Variants in MCF2L2 observed in about 807,000 individuals in gnomAD.
The protein encoded by MCF2L2 is probable guanine nucleotide exchange factor MCF2L2.
MCF2L2 carries 102 observed loss-of-function variants against 150.2 expected under a neutral mutation model. That is an observed-to-expected ratio of 0.68 (90% CI 0.58 to 0.80). The LOEUF (loss-of-function observed/expected upper bound fraction) is 0.80, where lower values mean the gene tolerates loss of function less well. Ranked by LOEUF, MCF2L2 falls within the 30% of genes least tolerant of loss-of-function variation. The pLI is 0.00. For missense variants in MCF2L2, 1,256 were observed against 1,372.8 expected, an observed-to-expected ratio of 0.91 and a Z score of 1.34; for synonymous variants, 465 against 491.3, an observed-to-expected ratio of 0.95 and a Z score of 0.71.
intron 1 of MCF2L2, among the ~76,000 whole-genome samples, chr3:183,402,451 C>CAAAAAAAAAAAAAAAAAAAAAAA (rs779201489): frequency 6.4e-4 from 35 of 54,764 alleles, no homozygotes; most frequent in South Asian, 9.1e-4. Context: ...GAGACTCCAT[C>CAAAAAAAAAAAAAAAAAAAAAAA]AAAAAAAAAA....
intron 25 of MCF2L2, among the ~76,000 whole-genome samples, chr3:183,196,963 T>A (rs1722102809): frequency 6.6e-6 from 1 of 152,100 alleles, no homozygotes; most frequent in African/African-American, 2.4e-5. Context: ...CAAACTTGTC[T>A]TTTTTTGCAG....
intron 11 of MCF2L2, chr3:183,299,241 A>G (rs1379130002): frequency 6.6e-6 from 1 of 152,272 alleles, no homozygotes; most frequent in Non-Finnish European, 1.5e-5. Context: ...TGTGTGCACC[A>G]TGTGTGGTCT....
chr3:183,269,885 GT>G (rs1726576756), intron 15 of MCF2L2: 3 of 1,613,790 alleles, frequency 1.9e-6, no homozygotes, highest in African/African-American at 1.3e-5. Flanking sequence ...CGAGCCTCAT[GT>G]TTTTTTGGGA....
At chr3:183,230,018 A>C (rs1723490081) in intron 16 of MCF2L2, among the ~76,000 whole-genome samples, 2 of 152,194 alleles carry the variant, frequency 1.3e-5, no homozygotes. Context: ...GGGAAGAACA[A>C]ATATATTTAA....
chr3:183,217,837 TA>T (rs1432500049), intron 21 of MCF2L2, among the ~76,000 whole-genome samples: 2 of 152,168 alleles, frequency 1.3e-5, no homozygotes, highest in African/African-American at 4.8e-5. Flanking sequence ...AAGCAGTAAC[TA>T]ATTAAAGAGA....
chr3:183,273,121 C>A, intron 15 of MCF2L2: 1 of 903,228 alleles, frequency 1.1e-6, no homozygotes, highest in South Asian at 1.8e-5. Flanking sequence ...TTTTGGTGCT[C>A]CAGTGTAGGG....
At chr3:183,223,268 A>C (rs1326969969) in intron 20 of MCF2L2, 78 bp downstream of exon 20, 1 of 1,059,086 alleles carries the variant, frequency 9.4e-7, no homozygotes, top group African/African-American at 1.6e-5. Context: ...GCACAGCTCT[A>C]CATGTGTAAC....
At chr3:183,312,986 T>TCTC (rs1323526948) in intron 7 of MCF2L2, among the ~76,000 whole-genome samples, 1 of 152,246 alleles carries the variant, frequency 6.6e-6, no homozygotes, top group African/African-American at 2.4e-5. Context: ...ATCAGGCATA[T>TCTC]CTCTTCTTTT....
At chr3:183,266,727 G>A (rs1233427376) in intron 15 of MCF2L2, among the ~76,000 whole-genome samples, 1 of 151,814 alleles carries the variant, frequency 6.6e-6, no homozygotes, top group Admixed American at 6.6e-5. Context: ...GTCCAGAAAT[G>A]ACCAGCCTGT....
intron 13 of MCF2L2, among the ~76,000 whole-genome samples, chr3:183,290,863 A>G (rs1173510943): frequency 6.6e-6 from 1 of 152,172 alleles, no homozygotes; most frequent in Admixed American, 6.5e-5. Context: ...CAAGACCAAA[A>G]TGCCATTCAT....
chr3:183,192,152 AT>A (rs1206370516), intron 27 of MCF2L2, among the ~76,000 whole-genome samples: 1 of 119,512 alleles, frequency 8.4e-6, no homozygotes, highest in Admixed American at 8.8e-5. Context: ...TTATTTATTT[AT>A]TTTTTCAGAC....
In MCF2L2 at chr3:183,305,827, C is replaced by A. The variant is rs1577049010; in HGVS notation, c.1113+3889G>T. Among the ~76,000 whole-genome samples the A allele has an allele frequency of 2.0e-5, 3 of 152,008 alleles. No individual in the cohort carries two copies. The highest frequency in any genetic ancestry group is 4.2e-4 in the South Asian group (2 of 4,814). ...TTGTGCCACTGCACTCCAGCCTGGG[C>A]GGCAAGAGTGAAACTCCGTCTCAAA... On this transcript the variant is annotated intron_variant, in intron 10 of 29. Transcript: ENST00000328913. This position sits in a 1 kb window ranked among gnomAD's most constrained non-coding sequence, Gnocchi z 4.1.
chr3:183,303,903 T>A (rs2108502027), intron 10 of MCF2L2, among the ~76,000 whole-genome samples: 1 of 152,292 alleles, frequency 6.6e-6, no homozygotes, highest in South Asian at 2.1e-4. Flanking sequence ...CATACCTGGG[T>A]GTGCCTGACT....
chr3:183,222,872 A>G (rs900613898), intron 20 of MCF2L2, among the ~76,000 whole-genome samples: 2 of 152,154 alleles, frequency 1.3e-5, no homozygotes, highest in African/African-American at 4.8e-5. Flanking sequence ...AGAGAGAGAA[A>G]ACCACTTAGG....
intron 14 of MCF2L2, among the ~76,000 whole-genome samples, chr3:183,285,707 C>A (rs146857973): frequency 1.3e-5 from 2 of 152,236 alleles, no homozygotes; most frequent in East Asian, 3.9e-4. Context: ...CCTGAAAAGG[C>A]TTTTGTTACT....
Position 183,245,637 on chromosome 3 carries a change from G to A in MCF2L2, c.1863-14620C>T, listed in dbSNP as rs796185430. Among the ~76,000 whole-genome samples, 32 of 152,166 alleles carry A rather than the reference G, an allele frequency of 2.1e-4. 1 individual carries two copies. The highest frequency in any genetic ancestry group is 6.3e-4 in the African/African-American group (26 of 41,536). ...GGTCTCAATACAGTCCTGAGGGCTCGGTCTCAGGAAAACATGTTCTTAAGT... is the reference window on the plus strand; with the variant it reads ...GGTCTCAATACAGTCCTGAGGGCTCAGTCTCAGGAAAACATGTTCTTAAGT... On this transcript the variant is annotated intron_variant, in intron 15 of 29. Coordinates refer to ENST00000328913, the MANE Select transcript of MCF2L2 (RefSeq NM_015078.4).
chr3:183,401,204 A>T (rs569605979), intron 1 of MCF2L2, among the ~76,000 whole-genome samples: 52 of 152,314 alleles, frequency 3.4e-4, no homozygotes, highest in African/African-American at 1.2e-3. Flanking sequence ...ACTCAGAGAG[A>T]GGCTGCCTTT....
At chr3:183,404,199 A>C (rs1195381276) in intron 1 of MCF2L2, among the ~76,000 whole-genome samples, 1 of 152,222 alleles carries the variant, frequency 6.6e-6, no homozygotes, top group African/African-American at 2.4e-5. Context: ...GCTAATAAAA[A>C]CATTAAAATC....
intron 21 of MCF2L2, among the ~76,000 whole-genome samples, chr3:183,216,958 C>T (rs1157933321): frequency 6.6e-6 from 1 of 151,222 alleles, no homozygotes; most frequent in Non-Finnish European, 1.5e-5. Flanking sequence ...AAATAGGCTT[C>T]TCTCTCTTTT....
Sources: gnomAD v4.1 joint callset for allele counts (sites outside exome capture counted in the v4.1 genomes callset) on GRCh38, gnomAD v4.1.1 for gene constraint, Gnocchi (gnomAD v3.1) non-coding constraint, MANE v1.5 for transcripts, NCBI Gene and HGNC (gene_info 2026-07-23, HGNC 2026-07-21) for gene names.